The following SLC49A3 variants were observed in gnomAD, a reference collection of about 807,000 sequenced individuals.
The protein encoded by SLC49A3 is solute carrier family 49 member A3.
Under a neutral mutation model 43.8 loss-of-function variants are expected in SLC49A3, and 50 were observed. The observed-to-expected ratio is 1.14, with a 90% CI of 0.91 to 1.45. The LOEUF is 1.45. Ranked by LOEUF, SLC49A3 falls within the 40% of genes most tolerant of loss-of-function variation. SLC49A3 has a pLI of 0.00. For synonymous variants in SLC49A3, 413 were observed against 352.0 expected (o/e 1.17, Z -1.94); for missense variants, 906 against 774.1 (o/e 1.17, Z -2.02).
chr4:691,191 A>C (rs1048674281), upstream of SLC49A3, among the ~76,000 whole-genome samples: 7 of 151,994 alleles, frequency 4.6e-5, no homozygotes, highest in African/African-American at 1.7e-4. Context: ...AGGCTGAGGT[A>C]AGAGAATCTC....
downstream of SLC49A3, chr4:678,752 A>G: frequency 6.2e-7 from 1 of 1,610,424 alleles, no homozygotes; most frequent in Non-Finnish European, 8.5e-7. Context: ...ACTCAGATCC[A>G]GGAGTTCAAG....
At chr4:686,473 C>T in intron 2 of SLC49A3, 59 bp downstream of exon 2, 1 of 1,581,534 alleles carries the variant, frequency 6.3e-7, no homozygotes, top group South Asian at 1.2e-5. Flanking sequence ...ACTCTCCTAC[C>T]CAAATGCGGG....
chr4:685,016 G>C lies in SLC49A3; in HGVS notation c.586-160C>G, dbSNP rs1740705725. 2 of 994,502 alleles carry C rather than the reference G, an allele frequency of 2.0e-6. No homozygotes were observed. Among genetic ancestry groups the C allele is most frequent in the Non-Finnish European group, 2.8e-6 (2 of 703,338 alleles). The allele number at this position is 994,502 out of a possible 1,614,324, so 61.6% of individuals were successfully genotyped here. ...GCTGCCCTTTGCGAGGCCCAGGCTG[G>C]GAGGGGCCTGCTCCAGGGGCTCATG... is the stretch of plus-strand genomic sequence containing the variant. On this transcript the variant is annotated intron_variant, in intron 4 of 9. Transcript: ENST00000322224. This position sits in a 1 kb window ranked among gnomAD's most constrained non-coding sequence, Gnocchi z 4.3.
downstream of SLC49A3, chr4:680,514 G>T (rs752115083): frequency 6.2e-7 from 1 of 1,613,258 alleles, no homozygotes; most frequent in South Asian, 1.1e-5. Flanking sequence ...GGCAGGTACC[G>T]ACGCCGAGGA....
At position 682,867 on chromosome 4, in the gene SLC49A3, A is replaced by G; in HGVS notation, c.1175T>C (p.Met392Thr). The G allele has an allele frequency of 6.2e-7, 1 of 1,601,868 alleles. No homozygotes were observed. Among genetic ancestry groups the G allele is most frequent in the Non-Finnish European group, 8.5e-7 (1 of 1,172,404 alleles). The change falls in exon 9 of 10, where the codon ATG becomes ACG. Residue 392 changes from methionine (M) to threonine (T), a missense_variant. Physicochemically the swap from Met to Thr is moderately conservative, Grantham distance 81. Transcript: ENST00000322224. ...VLGQAEGILIMLAMTALTVRR... is the reference protein window; with the variant it reads ...VLGQAEGILITLAMTALTVRR... ...CACAGTCAGTGCCGTCATTGCCAGC[A>G]TGATGAGTATTCCCTCGGCCTGCCT...
chr4:686,926 A>T (rs1303753672), intron 1 of SLC49A3, among the ~76,000 whole-genome samples: 4 of 152,234 alleles, frequency 2.6e-5, no homozygotes, highest in Non-Finnish European at 4.4e-5. Flanking sequence ...TGGGGGGCAG[A>T]CACTGAGGCC....
chr4:691,531 G>T (rs1291645259), upstream of SLC49A3, among the ~76,000 whole-genome samples: 1 of 151,138 alleles, frequency 6.6e-6, no homozygotes, highest in African/African-American at 2.4e-5. Context: ...GGAGGCAGAG[G>T]TTGCAGTGAG....
downstream of SLC49A3, chr4:678,048 A>G (rs1739022909): frequency 6.2e-7 from 1 of 1,613,156 alleles, no homozygotes; most frequent in Non-Finnish European, 8.5e-7. Flanking sequence ...GCCGCCGTGC[A>G]TGCCTGGGGC....
chr4:682,053 G>C lies in SLC49A3; in HGVS notation c.1585C>G (p.Arg529Gly), dbSNP rs569815897. The C allele has an allele frequency of 7.1e-7, 1 of 1,414,586 alleles. No individual in the cohort carries two copies. The highest frequency in any genetic ancestry group is 9.3e-7 in the Non-Finnish European group (1 of 1,072,266). 87.6% of individuals were successfully genotyped at this position (1,414,586 alleles called of 1,614,324 possible). A position where few individuals can be genotyped will look rare whatever the true frequency, so the allele number is the denominator to read the frequency against. Reference sequence around the variant, plus strand: ...ACCCTGCCTGCGAGTCTGCCGGGGCGGGAGGGCGCGTCGGTGGCTGCTGGG... The same window carrying C: ...ACCCTGCCTGCGAGTCTGCCGGGGCCGGAGGGCGCGTCGGTGGCTGCTGGG... ...QGPAATDAPS[R>G]PGRLAGRVQA... The change falls in exon 10 of 10, where the codon CGC (arginine) becomes GGC (glycine). Residue 529 changes from arginine (R) to glycine (G), a missense_variant. Arg to Gly is a moderately radical substitution (Grantham distance 125, BLOSUM62 -2). Coordinates refer to ENST00000322224, the MANE Select transcript of SLC49A3 (RefSeq NM_032219.4).
In SLC49A3 at chr4:682,003, C is replaced by T. The variant is rs548056487; in HGVS notation, c.1635G>A (p.Pro545=). 10 of 1,420,722 alleles carry T rather than the reference C, an allele frequency of 7.0e-6. No homozygotes were observed. In the East Asian group the frequency reaches 1.1e-4, roughly 16 times the overall value. 88.0% of individuals were successfully genotyped at this position (1,420,722 alleles called of 1,614,324 possible). A position where few individuals can be genotyped will look rare whatever the true frequency, so the allele number is the denominator to read the frequency against. Residue 545 remains proline, a synonymous_variant, in exon 10 of 10, where the codon CCG becomes CCA. Transcript: ENST00000322224. ...GRVQASRFID[P]AGSHSSFSSP... ...AGGAGAAGGAGGAGTGAGACCCAGC[C>T]GGGTCAATAAACCTGGACGCTTGGA...
rs1420351787 is a variant in SLC49A3 at position 685,472 on chromosome 4, G to A, written c.585+363C>T. Among the ~76,000 whole-genome samples the A allele has an allele frequency of 6.6e-6, 1 of 151,954 alleles. No homozygotes were observed. Among genetic ancestry groups the A allele is most frequent in the Non-Finnish European group, 1.5e-5 (1 of 68,004 alleles). On this transcript the variant is annotated intron_variant, in intron 4 of 9. Transcript: ENST00000322224. The surrounding 1 kb of genome is among the most constrained non-coding windows in gnomAD (Gnocchi z 4.3). ...CCTAGCACTTTGGGAAGCCGAGGCA[G>A]ACGGATCATGAGGTCAGGAGTTCGA... is the stretch of plus-strand genomic sequence containing the variant.
downstream of SLC49A3, chr4:677,921 G>T: frequency 1.3e-6 from 2 of 1,592,662 alleles, no homozygotes; most frequent in Non-Finnish European, 1.7e-6. Flanking sequence ...TGTCCTTGTA[G>T]GGAGTGGCAG....
At chr4:680,794 G>C, downstream of SLC49A3, 1 of 647,810 alleles carries the variant, frequency 1.5e-6, no homozygotes, top group Non-Finnish European at 2.6e-6. Context: ...GCCCGGTGGG[G>C]GTGGGGCGGC....
intron 7 of SLC49A3, 52 bp downstream of exon 7, chr4:683,557 C>A: frequency 6.4e-7 from 1 of 1,572,158 alleles, no homozygotes; most frequent in Non-Finnish European, 8.6e-7. Flanking sequence ...CTCTCCGGGC[C>A]TCACCACCCA....
At chr4:679,042 C>T (rs780790656), downstream of SLC49A3, 5 of 1,612,446 alleles carry the variant, frequency 3.1e-6, no homozygotes, top group South Asian at 5.5e-5. Context: ...GGGTAGGTAC[C>T]CAGGCAGAAC....
intron 9 of SLC49A3, 68 bp from the exon 10 acceptor site, chr4:682,444 C>G: frequency 7.7e-7 from 1 of 1,291,578 alleles, no homozygotes; most frequent in Non-Finnish European, 9.9e-7. Context: ...GAGCCCAATG[C>G]TGGCCTATGG....
chr4:685,789 C>T lies in SLC49A3; in HGVS notation c.585+46G>A, dbSNP rs763117793. On this transcript the variant is annotated intron_variant, in intron 4 of 9. Transcript: ENST00000322224. The surrounding 1 kb of genome is among the most constrained non-coding windows in gnomAD (Gnocchi z 4.3). The stretch of plus-strand genomic sequence containing the variant: ...GATCAGGAACACACAGACGTGCATG[C>T]GCACACACCACACAGACCAGGCACG... 60 of 1,592,002 alleles carry T rather than the reference C, an allele frequency of 3.8e-5. No individual in the cohort carries two copies. Among genetic ancestry groups the T allele is most frequent in the Middle Eastern group, 1.7e-4 (1 of 6,044 alleles).
In SLC49A3 at chr4:681,854, C is replaced by G. The variant is rs777137360; in HGVS notation, c.*104G>C. The G allele has an allele frequency of 3.1e-6, 4 of 1,304,918 alleles. No individual in the cohort carries two copies. Among genetic ancestry groups the G allele is most frequent in the African/African-American group, 1.5e-5 (1 of 66,014 alleles). The allele number at this position is 1,304,918 out of a possible 1,614,324, so 80.8% of individuals were successfully genotyped here. A position where few individuals can be genotyped will look rare whatever the true frequency, so the allele number is the denominator to read the frequency against. On this transcript the variant is annotated 3_prime_UTR_variant, in exon 10 of 10. Transcript: ENST00000322224. ...TGCAGGTGCGCGCTTGTAATTCGCTCCCGGAGCCCGCAAGGAGCCCTTTCG... is the reference window on the plus strand; with the variant it reads ...TGCAGGTGCGCGCTTGTAATTCGCTGCCGGAGCCCGCAAGGAGCCCTTTCG...
downstream of SLC49A3, chr4:678,328 G>T (rs72613110): frequency 0.019 from 27,496 of 1,420,956 alleles, 1,506 homozygotes; most frequent in East Asian, 0.23. Context: ...CCCAGAACAA[G>T]CCCACCCAGA....
Sources: allele counts gnomAD v4.1 joint callset (sites outside exome capture counted in the v4.1 genomes callset), GRCh38; gene constraint gnomAD v4.1.1; non-coding constraint Gnocchi (gnomAD v3.1); transcripts MANE v1.5; gene names NCBI Gene and HGNC (gene_info 2026-07-23, HGNC 2026-07-21).